Variants in TVP23C observed in about 807,000 individuals in gnomAD.
TVP23C encodes Golgi apparatus membrane protein TVP23 homolog C.
In TVP23C, 19 loss-of-function variants were observed where a neutral mutation model predicts 28.7. The ratio of observed to expected loss-of-function variants is 0.66; its 90% CI spans 0.46 to 0.97. The LOEUF (loss-of-function observed/expected upper bound fraction) is 0.97. TVP23C is among the 50% of genes least tolerant of loss of function. The probability of loss-of-function intolerance (pLI) is 0.00; values close to 1 mark genes in which losing one functional copy is unlikely to be tolerated. For synonymous variants in TVP23C, 68 were observed against 81.7 expected (o/e 0.83, Z 0.90); for missense variants, 186 against 241.3 (o/e 0.77, Z 1.52).
At chr17:15,502,278 G>A (rs113497007) in exon 6 of TVP23C, 6,101 of 90,410 alleles carry the variant, frequency 0.067, 166 homozygotes, top group African/African-American at 0.13. Flanking sequence ...GATAAAAGAT[G>A]AAATTTAATG....
intron 1 of TVP23C, chr17:15,562,596 C>T (rs985910632): frequency 3.3e-5 from 5 of 152,182 alleles, no homozygotes; most frequent in Non-Finnish European, 7.3e-5. Flanking sequence ...ATTTTCTCCA[C>T]TCAAGGCATC....
chr17:15,505,885 G>T (rs574692980), intron 5 of TVP23C, among the ~76,000 whole-genome samples: 2 of 152,220 alleles, frequency 1.3e-5, no homozygotes, highest in African/African-American at 4.8e-5. Context: ...GCCCACCGGC[G>T]CTGTGCTCGA....
rs1457498918 is a variant in TVP23C, at chr17:15,561,970, G to T, written c.12+1467C>A. Among the ~76,000 whole-genome samples, 10 of 152,134 alleles carry T rather than the reference G, an allele frequency of 6.6e-5. No homozygotes were observed. In the East Asian group the frequency reaches 1.9e-3, roughly 30 times the overall value. On this transcript the variant is annotated intron_variant, in intron 1 of 5. Coordinates refer to ENST00000518321, the MANE Select transcript of TVP23C (RefSeq NM_001135036.2). ...TGACCACTGGTCGTCCTCACTACTA[G>T]ACTCCCAACAGCGCCATGCCAGTTT...
Position 15,540,382 on chromosome 17 carries a change from A to T in TVP23C, c.*30T>A. 2 of 1,553,626 alleles carry T rather than the reference A, an allele frequency of 1.3e-6. No individual in the cohort carries two copies. The highest frequency in any genetic ancestry group is 4.6e-5 in the East Asian group (2 of 43,870). On this transcript the variant is annotated 3_prime_UTR_variant, in exon 6 of 6. Transcript: ENST00000518321. ...AGCGTTTCATAAAAATTAAACTATG[A>T]AAGTTAGAAATAATTGCATTAGTCA... is the stretch of plus-strand genomic sequence containing the variant.
intron 1 of TVP23C, among the ~76,000 whole-genome samples, chr17:15,560,681 G>A (rs1218479629): frequency 2.7e-5 from 4 of 148,322 alleles, no homozygotes; most frequent in African/African-American, 9.7e-5. Context: ...TCAGCTTCCC[G>A]AGTAGCTGGG....
At chr17:15,534,442 T>C (rs1983070594), downstream of TVP23C, among the ~76,000 whole-genome samples, 1 of 150,940 alleles carries the variant, frequency 6.6e-6, no homozygotes, top group Non-Finnish European at 1.5e-5. Context: ...GGTTACATGG[T>C]ACATAATGGT....
chr17:15,540,610 C>T (rs1983371169), intron 5 of TVP23C, 49 bp from the exon 6 acceptor site: 1 of 1,593,154 alleles, frequency 6.3e-7, no homozygotes, highest in Non-Finnish European at 8.6e-7. Flanking sequence ...TGAAATTGAC[C>T]TTTCTCTGTG....
chr17:15,502,809 CCTCTCTCTCTCTCT>C (rs57432478), exon 6 of TVP23C: 3 of 1,415,102 alleles, frequency 2.1e-6, no homozygotes, highest in Non-Finnish European at 1.9e-6. Flanking sequence ...TCCTCTCTCT[CCTCTCTCTCTCTCT>C]CTCTCTCTCC....
In TVP23C at chr17:15,539,552, G is replaced by A. The variant is rs1180348838; in HGVS notation, c.*860C>T. ...CGGGAGGCGGAGCTTGCAGTAAGCC[G>A]AGATCACGCCACTGCACTCCAGCCT... is the stretch of plus-strand genomic sequence containing the variant. On this transcript the variant is annotated 3_prime_UTR_variant, in exon 6 of 6. Transcript: ENST00000518321. 7 of 793,740 alleles carry A rather than the reference G, an allele frequency of 8.8e-6. No homozygotes were observed. The highest frequency in any genetic ancestry group is 5.8e-5 in the South Asian group (1 of 17,238). The allele number at this position is 793,740 out of a possible 1,614,324, so 49.2% of individuals were successfully genotyped here.
At position 15,502,887 on chromosome 17, in the gene TVP23C, G is replaced by A. The variant is rs575087294; in HGVS notation, c.808C>T (p.His270Tyr). 39 of 1,591,880 alleles carry A rather than the reference G, an allele frequency of 2.4e-5. No homozygotes were observed. In the African/African-American group the frequency reaches 4.7e-4, roughly 19 times the overall value. Residue 270 changes from histidine (H) to tyrosine (Y), a missense_variant, in exon 6 of 6, where the codon CAT (histidine) becomes TAT (tyrosine). By Grantham distance (83) the His-to-Tyr change is moderately conservative. Coordinates refer to the TVP23C transcript ENST00000225576. ...TTTTAATGCATTCCGGATGCCAGAT[G>A]AAATTTTGGCCCGGGCTCACCAGTT...
chr17:15,514,123 T>C (rs1418502794), intron 5 of TVP23C, among the ~76,000 whole-genome samples: 6 of 152,252 alleles, frequency 3.9e-5, no homozygotes, highest in African/African-American at 1.4e-4. Context: ...GAGGCTGGAC[T>C]TTCAAGGTGA....
chr17:15,556,472 C>T (rs1984137391), intron 1 of TVP23C, among the ~76,000 whole-genome samples: 1 of 151,514 alleles, frequency 6.6e-6, no homozygotes, highest in Non-Finnish European at 1.5e-5. Flanking sequence ...AGTGATTCTC[C>T]TGCCTCACCT....
intron 5 of TVP23C, among the ~76,000 whole-genome samples, chr17:15,544,619 A>G (rs1327603885): frequency 6.6e-6 from 1 of 152,048 alleles, no homozygotes; most frequent in Non-Finnish European, 1.5e-5. Flanking sequence ...AGGAGGAGGG[A>G]GAAGTTAAAG....
At chr17:15,522,887 C>T (rs71367505) in intron 5 of TVP23C, among the ~76,000 whole-genome samples, 18,917 of 152,086 alleles carry the variant, frequency 0.12, 1,279 homozygotes, top group Middle Eastern at 0.18. Context: ...TACAAATATA[C>T]ACAAATTAGC....
intron 5 of TVP23C, among the ~76,000 whole-genome samples, chr17:15,510,367 G>T (rs1981947551): frequency 6.6e-6 from 1 of 152,176 alleles, no homozygotes; most frequent in South Asian, 2.1e-4. Flanking sequence ...CGTACAAGCG[G>T]CCAATAAACA....
At chr17:15,553,261 T>C (rs1321358245) in intron 3 of TVP23C, among the ~76,000 whole-genome samples, 1 of 149,758 alleles carries the variant, frequency 6.7e-6, no homozygotes, top group Non-Finnish European at 1.5e-5. Flanking sequence ...TAGGAGCCTT[T>C]TCAAAAGGTA....
At chr17:15,529,415 G>T (rs1982862134) in intron 5 of TVP23C, among the ~76,000 whole-genome samples, 3 of 151,936 alleles carry the variant, frequency 2.0e-5, no homozygotes, top group Admixed American at 2.0e-4. Context: ...CAGCGCCACT[G>T]CACTCCAGCC....
intron 5 of TVP23C, among the ~76,000 whole-genome samples, chr17:15,544,070 TA>T (rs879918055): frequency 5.0e-4 from 72 of 143,530 alleles, no homozygotes; most frequent in Middle Eastern, 6.9e-3. Context: ...TTACATGAAC[TA>T]AAAAAAAAAA....
intron 5 of TVP23C, among the ~76,000 whole-genome samples, chr17:15,513,453 T>G (rs897681238): frequency 3.3e-5 from 5 of 152,190 alleles, no homozygotes; most frequent in African/African-American, 1.2e-4. Context: ...TTGATAAGTA[T>G]AGAGGAAGCT....
Sources: allele counts gnomAD v4.1 joint callset (sites outside exome capture counted in the v4.1 genomes callset), GRCh38; gene constraint gnomAD v4.1.1; transcripts MANE v1.5; gene names NCBI Gene and HGNC (gene_info 2026-07-23, HGNC 2026-07-21).